The following MYO3B variants were observed in gnomAD, a reference collection of about 807,000 sequenced individuals.
The protein encoded by MYO3B is myosin IIIB, also known as myosin-IIIb.
MYO3B carries 156 observed loss-of-function variants against 174.6 expected under a neutral mutation model. That is an observed-to-expected ratio of 0.89 (90% CI 0.78 to 1.02). MYO3B has a LOEUF of 1.02. Among genes scored for constraint, MYO3B ranks in the 50% least tolerant of loss-of-function variants. MYO3B has a pLI of 0.00. For synonymous variants in MYO3B, 563 were observed against 569.1 expected, an observed-to-expected ratio of 0.99 and a Z score of 0.15; for missense variants, 1,632 against 1,639.4, an observed-to-expected ratio of 1.00 and a Z score of 0.08.
rs183462480 is a variant in MYO3B, at chr2:170,634,037, C to T, written c.3734-17591C>T. ...AATCAATATTGTGAAAATGGCCATA[C>T]TGCCCTAGGTAATTTATAGATGCAA... On this transcript the variant is annotated intron_variant, in intron 32 of 34. Coordinates refer to ENST00000408978, the MANE Select transcript of MYO3B (RefSeq NM_138995.5). 1.5e-3 allele frequency among the ~76,000 whole-genome samples: 223 copies of T among 152,310 alleles called. 1 individual carries two copies. The highest frequency in any genetic ancestry group is 4.9e-3 in the African/African-American group (202 of 41,560).
At chr2:170,645,510 G>A (rs1698299814) in intron 32 of MYO3B, among the ~76,000 whole-genome samples, 1 of 149,030 alleles carries the variant, frequency 6.7e-6, no homozygotes, top group Non-Finnish European at 1.5e-5. Flanking sequence ...TCAAACTTGA[G>A]TTGCCCAGTT....
At chr2:170,371,545 C>G (rs2094244689) in intron 9 of MYO3B, among the ~76,000 whole-genome samples, 1 of 152,160 alleles carries the variant, frequency 6.6e-6, no homozygotes, top group South Asian at 2.1e-4. Flanking sequence ...TAACCTGCCA[C>G]CTCTCTTGTA....
Position 170,635,448 on chromosome 2 carries a change from A to C in MYO3B, c.3734-16180A>C, listed in dbSNP as rs1321861715. Among the ~76,000 whole-genome samples the C allele has an allele frequency of 4.0e-5, 6 of 150,886 alleles. No homozygotes were observed. In the East Asian group the frequency reaches 1.2e-3, roughly 30 times the overall value. ...GGACACAGTAAGAGGAACATCACAC[A>C]CCAGGGGCCTGTCGTGGGGTGGGGG... On this transcript the variant is annotated intron_variant, in intron 32 of 34. Transcript: ENST00000408978.
chr2:170,183,084 C>T (rs148224373), intron 1 of MYO3B, among the ~76,000 whole-genome samples: 3,176 of 151,934 alleles, frequency 0.021, 129 homozygotes, highest in African/African-American at 0.073. Context: ...TGTGAAACCC[C>T]GTCTCTACTA....
intron 3 of MYO3B, 127 bp downstream of exon 3, chr2:170,200,411 A>G (rs1424365069): frequency 1.0e-6 from 1 of 986,290 alleles, no homozygotes; most frequent in East Asian, 2.8e-5. Flanking sequence ...TGTCACAGGT[A>G]CCTCACCAGA....
chr2:170,451,935 C>T (rs193040374), intron 23 of MYO3B, among the ~76,000 whole-genome samples: 54 of 152,256 alleles, frequency 3.5e-4, no homozygotes, highest in Admixed American at 1.5e-3. Flanking sequence ...GACAGTACAA[C>T]GCTTTTACTG....
intron 32 of MYO3B, among the ~76,000 whole-genome samples, chr2:170,632,708 A>G (rs1697115010): frequency 6.6e-6 from 1 of 152,224 alleles, no homozygotes; most frequent in Non-Finnish European, 1.5e-5. Flanking sequence ...GGTTTTTTGA[A>G]AAGATCAATA....
At chr2:170,212,612 G>A (rs1390509791) in intron 3 of MYO3B, among the ~76,000 whole-genome samples, 2 of 145,818 alleles carry the variant, frequency 1.4e-5, no homozygotes, top group Admixed American at 7.1e-5. Flanking sequence ...AAAGGGTGAG[G>A]AGCGGAATTT....
At chr2:170,630,188 C>T (rs776097043) in intron 32 of MYO3B, among the ~76,000 whole-genome samples, 32 of 152,304 alleles carry the variant, frequency 2.1e-4, no homozygotes, top group Admixed American at 7.2e-4. Context: ...CCAGGAAAAT[C>T]GGGACACTCC....
intron 22 of MYO3B, among the ~76,000 whole-genome samples, chr2:170,418,392 C>G (rs62170672): frequency 6.6e-6 from 1 of 152,126 alleles, no homozygotes; most frequent in Non-Finnish European, 1.5e-5. Context: ...TTAATATCAT[C>G]GCTACTAAAT....
intron 32 of MYO3B, among the ~76,000 whole-genome samples, chr2:170,556,487 A>G (rs6752681): frequency 0.79 from 120,620 of 151,950 alleles, 48,439 homozygotes; most frequent in African/African-American, 0.87. Flanking sequence ...GCTCTGCATC[A>G]TTGTCAGCCT....
intron 32 of MYO3B, among the ~76,000 whole-genome samples, chr2:170,614,102 C>T (rs919130048): frequency 6.6e-5 from 10 of 152,150 alleles, no homozygotes; most frequent in Non-Finnish European, 1.3e-4. Flanking sequence ...CCCACCTCCC[C>T]TACCCCTAGG....
chr2:170,543,769 A>G (rs2106206549), intron 31 of MYO3B, 123 bp from the exon 32 acceptor site: 4 of 608,872 alleles, frequency 6.6e-6, no homozygotes, highest in African/African-American at 1.9e-5. Context: ...AAATGATTCC[A>G]GTATACTTAG....
intron 32 of MYO3B, among the ~76,000 whole-genome samples, chr2:170,617,606 G>A (rs1376693828): frequency 6.6e-6 from 1 of 152,146 alleles, no homozygotes; most frequent in Non-Finnish European, 1.5e-5. Flanking sequence ...CCATAATTTG[G>A]AATGTTCAGG....
chr2:170,485,432 G>C (rs1685986457), intron 25 of MYO3B, among the ~76,000 whole-genome samples: 4 of 150,694 alleles, frequency 2.7e-5, no homozygotes, highest in Admixed American at 2.6e-4. Flanking sequence ...GAGAGAGAGA[G>C]AGAGAGAGAG....
At chr2:170,448,287 G>A (rs555874657) in intron 23 of MYO3B, among the ~76,000 whole-genome samples, 2 of 152,356 alleles carry the variant, frequency 1.3e-5, no homozygotes, top group East Asian at 3.9e-4. Context: ...TTAGAAGGAA[G>A]ATGGAGTCAG....
chr2:170,547,090 C>T (rs960623997), intron 32 of MYO3B, among the ~76,000 whole-genome samples: 4 of 150,322 alleles, frequency 2.7e-5, no homozygotes, highest in Middle Eastern at 6.9e-3. Context: ...GAGGCCGAGG[C>T]GGGCAGATCA....
chr2:170,530,633 T>C (rs1575122934), intron 30 of MYO3B, among the ~76,000 whole-genome samples: 1 of 152,196 alleles, frequency 6.6e-6, no homozygotes, highest in Non-Finnish European at 1.5e-5. Context: ...ATTTACTGAC[T>C]GGCAGGAAGC....
intron 28 of MYO3B, among the ~76,000 whole-genome samples, chr2:170,512,534 C>T (rs1431636315): frequency 1.3e-5 from 2 of 152,128 alleles, no homozygotes; most frequent in Admixed American, 1.3e-4. Flanking sequence ...TTTACCCAGC[C>T]TAGATCACCA....
Sources: allele counts gnomAD v4.1 joint callset (sites outside exome capture counted in the v4.1 genomes callset), GRCh38; gene constraint gnomAD v4.1.1; transcripts MANE v1.5; gene names NCBI Gene and HGNC (gene_info 2026-07-23, HGNC 2026-07-21).